MCF2L: variants seen among roughly 807,000 people sequenced by gnomAD.
MCF2L encodes the protein guanine nucleotide exchange factor DBS.
In MCF2L, 97 loss-of-function variants were observed where a neutral mutation model predicts 153.4. That is an observed-to-expected ratio of 0.63 (90% CI 0.54 to 0.75). The LOEUF (loss-of-function observed/expected upper bound fraction) is 0.75. Ranked by LOEUF, MCF2L falls within the 30% of genes least tolerant of loss-of-function variation. The pLI is 0.00. For missense variants in MCF2L, 1,347 were observed against 1,495.2 expected (o/e 0.90, Z 1.64); for synonymous variants, 659 against 632.2 (o/e 1.04, Z -0.64).
Position 112,960,042 on chromosome 13 carries a change from C to T in MCF2L, c.170-54721C>T, listed in dbSNP as rs983657743. Among the ~76,000 whole-genome samples the T allele has an allele frequency of 1.3e-5, 2 of 152,246 alleles. No homozygotes were observed. The highest frequency in any genetic ancestry group is 4.8e-5 in the African/African-American group (2 of 41,466). ...AGGTGCCTGTGTCACCGAGGTCCCT[C>T]GGTAACTTCAGGGCAGAGGCCTTCT... is the stretch of plus-strand genomic sequence containing the variant. On this transcript the variant is annotated intron_variant, in intron 2 of 29. Transcript: ENST00000375608. The surrounding 1 kb of genome is among the most constrained non-coding windows in gnomAD (Gnocchi z 4.2).
intron 18 of MCF2L, 36 bp from the exon 19 acceptor site, chr13:113,084,856 C>T (rs1364764448): frequency 6.6e-7 from 1 of 1,523,428 alleles, no homozygotes; most frequent in Non-Finnish European, 9.1e-7. Context: ...CTGCCCATCC[C>T]TCACTGCGTG....
intron 2 of MCF2L, among the ~76,000 whole-genome samples, chr13:112,959,674 T>C (rs3011478): frequency 0.94 from 143,052 of 152,240 alleles, 67,425 homozygotes; most frequent in Non-Finnish European, 0.98. Context: ...ATCTCATTCC[T>C]CTAGCATAGA....
At chr13:112,974,976 C>T (rs1172318402) in intron 1 of MCF2L, among the ~76,000 whole-genome samples, 1 of 152,246 alleles carries the variant, frequency 6.6e-6, no homozygotes, top group Non-Finnish European at 1.5e-5. Context: ...GCACTCTCAA[C>T]ATAGCCCCTT....
At position 113,064,331 on chromosome 13, in the gene MCF2L, T is replaced by A. The variant is rs1232485217; in HGVS notation, c.517T>A (p.Leu173Ile). 1.9e-6 allele frequency: 3 copies of A among 1,612,858 alleles called. No individual in the cohort carries two copies. The highest frequency in any genetic ancestry group is 1.3e-5 in the African/African-American group (1 of 74,934). Residue 173 changes from leucine (L) to isoleucine (I), a missense_variant, in exon 6 of 30, where the codon TTA (leucine) becomes ATA (isoleucine). Around this residue, in one of 3 missense-constraint regions of MCF2L, gnomAD observed 820 missense variants for 921.2 expected, o/e 0.89. Coordinates refer to ENST00000535094, the MANE Select transcript of MCF2L (RefSeq NM_001112732.3). This position sits in a 1 kb window ranked among gnomAD's most constrained non-coding sequence, Gnocchi z 6.0. ...PVIMLSSVPD[L>I]HGYIDKSQLT... ...CATAATGCTGAGCTCCGTACCAGAC[T>A]TACACGGTTACATCGATAAGTCGCA... is the stretch of plus-strand genomic sequence containing the variant.
chr13:113,058,594 T>C (rs2030726506), intron 4 of MCF2L, among the ~76,000 whole-genome samples: 1 of 145,016 alleles, frequency 6.9e-6, no homozygotes. Context: ...TGCTGAGTGT[T>C]TGGGTGCTGA....
At position 113,045,970 on chromosome 13, in the gene MCF2L, CAGCCTCGCATGT is replaced by C. The variant is rs2086786855; in HGVS notation, c.369+614_369+625del. The C allele has an allele frequency of 6.4e-6, 1 of 157,028 alleles. No individual in the cohort carries two copies. The highest frequency in any genetic ancestry group is 2.4e-5 in the African/African-American group (1 of 41,478). The allele number at this position is 157,028 out of a possible 1,614,324, so 9.7% of individuals were successfully genotyped here. Reference sequence around the variant, plus strand: ...CCACCGCCTCCCTTCCCCAGTAACCCAGCCTCGCATGTAGCCACCCTCCTTTCCAAGGACTTT... The same window carrying C: ...CCACCGCCTCCCTTCCCCAGTAACCCAGCCACCCTCCTTTCCAAGGACTTT... On this transcript the variant is annotated intron_variant, in intron 4 of 29. Coordinates refer to ENST00000535094, the MANE Select transcript of MCF2L (RefSeq NM_001112732.3). The surrounding 1 kb of genome is among the most constrained non-coding windows in gnomAD (Gnocchi z 4.2).
intron 2 of MCF2L, among the ~76,000 whole-genome samples, chr13:113,022,469 G>A (rs1258159133): frequency 6.8e-6 from 1 of 146,648 alleles, no homozygotes; most frequent in African/African-American, 2.5e-5. Flanking sequence ...GGCAGGGTCC[G>A]CCCCCAGCTG....
chr13:112,968,362 C>A (rs891741366), upstream of MCF2L: 4 of 1,439,500 alleles, frequency 2.8e-6, no homozygotes, highest in Non-Finnish European at 2.8e-6. Context: ...TGCATATGGC[C>A]CTGTGATGGC....
chr13:113,084,951 G>T lies in MCF2L; in HGVS notation c.2121G>T (p.Leu707=). ...AGAACAAGCCCCGCTCTGAGAGCCT[G>T]TGGAGACAGTGCTCCGACTGCCCGT... ...YCQNKPRSES[L]WRQCSDCPFF... Residue 707 remains leucine, a synonymous_variant, in exon 19 of 30, where the codon CTG becomes CTT. Coordinates refer to ENST00000535094, the MANE Select transcript of MCF2L (RefSeq NM_001112732.3). 1.9e-6 allele frequency: 3 copies of T among 1,614,080 alleles called. No individual in the cohort carries two copies. Among genetic ancestry groups the T allele is most frequent in the Non-Finnish European group, 2.5e-6 (3 of 1,180,034 alleles).
intron 1 of MCF2L, chr13:113,008,682 C>T (rs1011965312): frequency 8.5e-5 from 13 of 152,356 alleles, no homozygotes; most frequent in South Asian, 4.1e-4. Context: ...TCCGTGACCA[C>T]GCCGAGGAAG....
In MCF2L at chr13:112,943,403, C is replaced by T. The variant is rs1433624112; in HGVS notation, c.169+41032C>T. ...CAGCTCCCGGTCCCCGGCTCCGCGCCGCAGGCGTGAACGCCCAACGGAGGG... is the reference window on the plus strand; with the variant it reads ...CAGCTCCCGGTCCCCGGCTCCGCGCTGCAGGCGTGAACGCCCAACGGAGGG... On this transcript the variant is annotated intron_variant, in intron 2 of 29. Coordinates refer to the MCF2L transcript ENST00000375608. The surrounding 1 kb of genome is among the most constrained non-coding windows in gnomAD (Gnocchi z 4.2). Among the ~76,000 whole-genome samples, 4 of 138,046 alleles carry T rather than the reference C, an allele frequency of 2.9e-5. No homozygotes were observed. The highest frequency in any genetic ancestry group is 7.3e-5 in the Admixed American group (1 of 13,740). 90.6% of individuals were successfully genotyped at this position (138,046 alleles called of 152,430 possible). A position where few individuals can be genotyped will look rare whatever the true frequency, so the allele number is the denominator to read the frequency against.
intron 1 of MCF2L, among the ~76,000 whole-genome samples, chr13:112,980,429 C>G (rs752595155): frequency 3.0e-4 from 46 of 152,266 alleles, no homozygotes; most frequent in East Asian, 1.2e-3. Context: ...GGCCAGCCCC[C>G]ACCCCTGCTT....
intron 3 of MCF2L, among the ~76,000 whole-genome samples, chr13:113,032,425 C>G (rs1486879700): frequency 6.6e-6 from 1 of 152,278 alleles, no homozygotes; most frequent in Non-Finnish European, 1.5e-5. Context: ...TGTGGAGCTG[C>G]ACTGGGGTGA....
intron 2 of MCF2L, among the ~76,000 whole-genome samples, chr13:112,950,755 A>C (rs903163602): frequency 6.6e-6 from 1 of 152,248 alleles, no homozygotes; most frequent in African/African-American, 2.4e-5. Context: ...AAATTTAAAC[A>C]TGAAATATAA....
rs1386041430 is a variant in MCF2L at position 113,084,067 on chromosome 13, G to A, written c.2061G>A (p.Arg687=). Residue 687 remains arginine (R), a splice_region_variant and synonymous_variant, in exon 18 of 30, where the codon AGG becomes AGA. Transcript: ENST00000535094. The part of the protein sequence containing the change: ...PELVGRCFLE[R]MEDFQIYEKY... The stretch of plus-strand genomic sequence containing the variant: ...TGGTTGGAAGATGCTTTCTGGAGAG[G>A]GTAGGTGGTGTTTTGACGTGTATTT... The A allele has an allele frequency of 1.9e-6, 3 of 1,613,300 alleles. No individual in the cohort carries two copies. In the South Asian group the frequency reaches 3.3e-5, roughly 18 times the overall value.
chr13:113,060,476 AG>A, intron 4 of MCF2L, 116 bp from the exon 5 acceptor site: 1 of 1,207,552 alleles, frequency 8.3e-7, no homozygotes, highest in Non-Finnish European at 1.2e-6. Context: ...TGCTGCGTTG[AG>A]GATGCCTGGC....
At chr13:113,096,681 C>T (rs754217455) in intron 29 of MCF2L, 28 bp downstream of exon 29, 18 of 1,562,632 alleles carry the variant, frequency 1.2e-5, no homozygotes, top group Admixed American at 1.8e-5. Flanking sequence ...CGAGCCCACC[C>T]GTGACGCTGC....
intron 2 of MCF2L, among the ~76,000 whole-genome samples, chr13:113,016,803 A>G (rs761305850): frequency 6.6e-6 from 1 of 152,006 alleles, no homozygotes; most frequent in Non-Finnish European, 1.5e-5. Flanking sequence ...GCCCTCGTAC[A>G]TGCCCTCTCC....
chr13:113,031,786 C>T lies in MCF2L; in HGVS notation c.278+7028C>T, dbSNP rs970625202. ...GGACTCCATCTACCAGCCAGCTTGCCGGGACAGGGGTCACATTCAGCCCAT... is the reference window on the plus strand; with the variant it reads ...GGACTCCATCTACCAGCCAGCTTGCTGGGACAGGGGTCACATTCAGCCCAT... On this transcript the variant is annotated intron_variant, in intron 3 of 29. Coordinates refer to ENST00000535094, the MANE Select transcript of MCF2L (RefSeq NM_001112732.3). This position sits in a 1 kb window ranked among gnomAD's most constrained non-coding sequence, Gnocchi z 5.5. Among the ~76,000 whole-genome samples, 3 of 151,932 alleles carry T rather than the reference C, an allele frequency of 2.0e-5. No homozygotes were observed. Among genetic ancestry groups the T allele is most frequent in the Non-Finnish European group, 2.9e-5 (2 of 67,996 alleles).
Sources: gnomAD v4.1 joint callset for allele counts (sites outside exome capture counted in the v4.1 genomes callset) on GRCh38, gnomAD v4.1.1 for gene constraint, gnomAD v4.1.1 regional missense constraint, Gnocchi (gnomAD v3.1) non-coding constraint, MANE v1.5 for transcripts, NCBI Gene and HGNC (gene_info 2026-07-23, HGNC 2026-07-21) for gene names.